BICD1: variants seen among roughly 807,000 people sequenced by gnomAD.
BICD1 encodes the protein protein bicaudal D homolog 1.
Under a neutral mutation model 92.5 loss-of-function variants are expected in BICD1, and 35 were observed. The ratio of observed to expected loss-of-function variants is 0.38; its 90% CI spans 0.29 to 0.50. BICD1 has a LOEUF of 0.50. BICD1 is among the 20% of genes least tolerant of loss of function. BICD1 has a pLI of 0.93. For synonymous variants in BICD1, 429 were observed against 465.1 expected (o/e 0.92, Z 1.00); for missense variants, 950 against 1,189.8 (o/e 0.80, Z 2.97).
At chr12:32,316,100 C>A (rs1320734652) in intron 4 of BICD1, among the ~76,000 whole-genome samples, 1 of 147,952 alleles carries the variant, frequency 6.8e-6, no homozygotes, top group Non-Finnish European at 1.5e-5. Context: ...TGTGCCACTG[C>A]ACTCCAGCCT....
At chr12:32,177,708 A>G (rs1165573878) in intron 1 of BICD1, among the ~76,000 whole-genome samples, 1 of 4,722 alleles carries the variant, frequency 2.1e-4, no homozygotes, top group Admixed American at 2.9e-3. Context: ...GATTTAGTAG[A>G]GTATAAATAT....
chr12:32,360,763 T>C (rs1939295504), intron 8 of BICD1, among the ~76,000 whole-genome samples: 1 of 152,206 alleles, frequency 6.6e-6, no homozygotes, highest in African/African-American at 2.4e-5. Context: ...TGAAATATGG[T>C]CTTCACTTAG....
intron 8 of BICD1, among the ~76,000 whole-genome samples, chr12:32,367,168 A>T (rs1370666908): frequency 6.6e-6 from 1 of 152,176 alleles, no homozygotes; most frequent in Non-Finnish European, 1.5e-5. Context: ...TTTAATTAAG[A>T]TTCTACTAAT....
chr12:32,265,144 C>G (rs1255336628), intron 2 of BICD1, among the ~76,000 whole-genome samples: 2 of 151,776 alleles, frequency 1.3e-5, no homozygotes, highest in African/African-American at 4.8e-5. Context: ...TATACATTGC[C>G]TCCAAGCAGA....
chr12:32,326,913 C>A (rs1240242610), intron 4 of BICD1, among the ~76,000 whole-genome samples: 1 of 152,086 alleles, frequency 6.6e-6, no homozygotes, highest in African/African-American at 2.4e-5. Flanking sequence ...AAATGTAGTG[C>A]GTGTTTATTT....
At chr12:32,348,703 T>C (rs1015078119) in intron 8 of BICD1, among the ~76,000 whole-genome samples, 1 of 95,382 alleles carries the variant, frequency 1.0e-5, no homozygotes, top group African/African-American at 4.4e-5. Context: ...CCCGAAATGA[T>C]GCTTTCTAGC....
intron 2 of BICD1, among the ~76,000 whole-genome samples, chr12:32,219,928 A>C (rs1331228778): frequency 6.6e-6 from 1 of 152,222 alleles, no homozygotes; most frequent in Non-Finnish European, 1.5e-5. Flanking sequence ...GAGCCCTTAG[A>C]AATAATGCCA....
chr12:32,333,307 GA>G (rs1409216753), intron 5 of BICD1: 1 of 957,612 alleles, frequency 1.0e-6, no homozygotes, highest in African/African-American at 1.8e-5. Context: ...AGTATTTACA[GA>G]ACATACAGAA....
At chr12:32,251,543 T>G (rs1159310890) in intron 2 of BICD1, among the ~76,000 whole-genome samples, 1 of 152,162 alleles carries the variant, frequency 6.6e-6, no homozygotes, top group East Asian at 1.9e-4. Context: ...CACTCATATA[T>G]TGTTTCAGAA....
At chr12:32,178,595 C>T (rs962895302) in intron 1 of BICD1, among the ~76,000 whole-genome samples, 5 of 151,964 alleles carry the variant, frequency 3.3e-5, no homozygotes, top group Admixed American at 6.6e-5. Context: ...TGATTTACAG[C>T]ACTAAGCTCA....
rs1201841319 is a variant in BICD1, at chr12:32,332,404, A to G, written c.2101-2112A>G. 3.1e-6 allele frequency: 3 copies of G among 976,640 alleles called. No individual in the cohort carries two copies. The African/African-American group carries it at 5.3e-5, about 17-fold the overall frequency. 60.5% of individuals were successfully genotyped at this position (976,640 alleles called of 1,614,324 possible). A position where few individuals can be genotyped will look rare whatever the true frequency, so the allele number is the denominator to read the frequency against. Reference sequence around the variant, plus strand: ...AAAAGTTAAAAATAAATAAATAGGCATTCTGTAGTCTCTATGAATCTTCTC... The same window carrying G: ...AAAAGTTAAAAATAAATAAATAGGCGTTCTGTAGTCTCTATGAATCTTCTC... On this transcript the variant is annotated intron_variant, in intron 5 of 9. Transcript: ENST00000652176.
At chr12:32,315,166 C>T (rs554530138) in intron 4 of BICD1, among the ~76,000 whole-genome samples, 12 of 152,288 alleles carry the variant, frequency 7.9e-5, no homozygotes, top group South Asian at 2.1e-4. Flanking sequence ...TACTATTTTA[C>T]ACGTGGGCAT....
chr12:32,222,197 G>C lies in BICD1; in HGVS notation c.426+5738G>C, dbSNP rs16919498. Among the ~76,000 whole-genome samples the C allele has an allele frequency of 2.9e-4, 44 of 152,236 alleles. No individual in the cohort carries two copies. In the East Asian group the frequency reaches 7.3e-3, roughly 25 times the overall value. On this transcript the variant is annotated intron_variant, in intron 2 of 9. Coordinates refer to ENST00000652176, the MANE Select transcript of BICD1 (RefSeq NM_001714.4). ...ATTCCTAACCAGAATTGGTATATAT[G>C]GGATAAAAAGATGTCACATAAGATA...
rs375886586 is a variant in BICD1, at chr12:32,186,266, A to C, written c.214-29981A>C. On this transcript the variant is annotated intron_variant, in intron 1 of 9. Transcript: ENST00000652176. ...ATTCAATAGTGAGGTGGCCACATAC[A>C]ACATACCCCTAAAACATTGCTGAAA... 3.9e-5 allele frequency among the ~76,000 whole-genome samples: 6 copies of C among 152,204 alleles called. No individual in the cohort carries two copies. In the East Asian group the frequency reaches 1.2e-3, roughly 29 times the overall value.
chr12:32,281,165 C>G (rs1184835931), intron 2 of BICD1, among the ~76,000 whole-genome samples: 1 of 152,134 alleles, frequency 6.6e-6, no homozygotes, highest in Non-Finnish European at 1.5e-5. Flanking sequence ...CCCTTTATTA[C>G]CTTATTACTC....
intron 1 of BICD1, among the ~76,000 whole-genome samples, chr12:32,192,469 G>A (rs1373858953): frequency 6.2e-5 from 9 of 144,424 alleles, no homozygotes; most frequent in Non-Finnish European, 9.0e-5. Flanking sequence ...TAGATAGATA[G>A]ATAGATAGAC....
At chr12:32,166,852 C>G (rs1016740740) in intron 1 of BICD1, among the ~76,000 whole-genome samples, 1 of 152,150 alleles carries the variant, frequency 6.6e-6, no homozygotes, top group Non-Finnish European at 1.5e-5. Flanking sequence ...AATAGTGTCT[C>G]TTGCCTTATA....
At chr12:32,161,522 A>G (rs2121496670) in intron 1 of BICD1, among the ~76,000 whole-genome samples, 1 of 152,290 alleles carries the variant, frequency 6.6e-6, no homozygotes, top group East Asian at 1.9e-4. Flanking sequence ...TTGATATCTA[A>G]ACTCCTGATC....
intron 1 of BICD1, among the ~76,000 whole-genome samples, chr12:32,212,321 G>C (rs1280031566): frequency 6.6e-6 from 1 of 152,134 alleles, no homozygotes; most frequent in African/African-American, 2.4e-5. Flanking sequence ...AATCTTTTCT[G>C]CCTTAAGGTT....
Sources: gnomAD v4.1 joint callset for allele counts (sites outside exome capture counted in the v4.1 genomes callset) on GRCh38, gnomAD v4.1.1 for gene constraint, MANE v1.5 for transcripts, NCBI Gene and HGNC (gene_info 2026-07-23, HGNC 2026-07-21) for gene names.